The following WDR17 variants were observed in gnomAD, a reference collection of about 807,000 sequenced individuals.
WDR17 encodes WD repeat domain 17, also known as WD repeat-containing protein 17.
Under a neutral mutation model 161.7 loss-of-function variants are expected in WDR17, and 143 were observed. The ratio of observed to expected loss-of-function variants is 0.88; its 90% CI spans 0.77 to 1.02. The LOEUF (loss-of-function observed/expected upper bound fraction) is 1.02, where lower values mean the gene tolerates loss of function less well. Ranked by LOEUF, WDR17 falls within the 50% of genes least tolerant of loss-of-function variation. The pLI is 0.00. For missense variants in WDR17, 1,469 were observed against 1,520.9 expected, an observed-to-expected ratio of 0.97 and a Z score of 0.57; for synonymous variants, 517 against 515.6, an observed-to-expected ratio of 1.00 and a Z score of -0.04.
At chr4:176,142,485 G>A (rs1579171619) in intron 11 of WDR17, among the ~76,000 whole-genome samples, 1 of 152,120 alleles carries the variant, frequency 6.6e-6, no homozygotes, top group African/African-American at 2.4e-5. Flanking sequence ...CTGGCACTGG[G>A]TAATTTTCCA....
At chr4:176,083,044 A>C (rs908026415) in intron 1 of WDR17, among the ~76,000 whole-genome samples, 2 of 152,166 alleles carry the variant, frequency 1.3e-5, no homozygotes, top group African/African-American at 4.8e-5. Context: ...TTCTTAGAAA[A>C]CCAAATTATA....
At chr4:176,138,992 C>T (rs1230380486) in intron 9 of WDR17, among the ~76,000 whole-genome samples, 3 of 151,736 alleles carry the variant, frequency 2.0e-5, no homozygotes, top group Non-Finnish European at 3.0e-5. Flanking sequence ...CAGAAGGCCT[C>T]CACCCTATAA....
Position 176,182,405 on chromosome 4 carries a change from G to GTATA in WDR17, c.*2848_*2851dup, listed in dbSNP as rs34628181. On this transcript the variant is annotated 3_prime_UTR_variant, in exon 29 of 29. Transcript: ENST00000508596. The surrounding 1 kb of genome is among the most constrained non-coding windows in gnomAD (Gnocchi z 4.2). ...AATATATATATGTGCGTGTGTGTGT[G>GTATA]TATATATATATATATATATATATAT... The GTATA allele has an allele frequency of 6.0e-3, 888 of 148,724 alleles. 7 individuals carry two copies. Among genetic ancestry groups the GTATA allele is most frequent in the African/African-American group, 0.019 (785 of 40,564 alleles). 9.2% of individuals were successfully genotyped at this position (148,724 alleles called of 1,614,324 possible). A position where few individuals can be genotyped will look rare whatever the true frequency, so the allele number is the denominator to read the frequency against.
intron 11 of WDR17, among the ~76,000 whole-genome samples, chr4:176,143,750 T>C (rs1434737509): frequency 8.6e-5 from 13 of 152,042 alleles, no homozygotes; most frequent in Admixed American, 5.2e-4. Flanking sequence ...ACCAATAACA[T>C]TTGGGTTTTT....
At chr4:176,175,298 T>C (rs1751276390) in intron 26 of WDR17, among the ~76,000 whole-genome samples, 1 of 152,148 alleles carries the variant, frequency 6.6e-6, no homozygotes, top group Non-Finnish European at 1.5e-5. Context: ...GTAAAGGGAG[T>C]TTGTAAGTAG....
intron 1 of WDR17, among the ~76,000 whole-genome samples, chr4:176,069,692 C>T (rs1291764368): frequency 6.6e-6 from 1 of 152,066 alleles, no homozygotes; most frequent in African/African-American, 2.4e-5. Context: ...CCCAGGCAGA[C>T]TCATTTACAA....
intron 1 of WDR17, among the ~76,000 whole-genome samples, chr4:176,093,850 A>G (rs1736444952): frequency 6.6e-6 from 1 of 152,316 alleles, no homozygotes; most frequent in East Asian, 1.9e-4. Context: ...GTACAACAAC[A>G]AAAGTATTTT....
At chr4:176,090,714 G>C (rs1736015212) in intron 1 of WDR17, among the ~76,000 whole-genome samples, 1 of 152,148 alleles carries the variant, frequency 6.6e-6, no homozygotes, top group South Asian at 2.1e-4. Context: ...CAGAAATATA[G>C]AGTATGGAGT....
chr4:176,160,024 G>A lies in WDR17; in HGVS notation c.2556G>A (p.Lys852=), dbSNP rs1286263696. ...CTGACCAATTAATCCAGGAAGATAA[G>A]GATGATGTCATTCCATACTGCATAG... is the stretch of plus-strand genomic sequence containing the variant. ...RRADQLIQED[K]DDVIPYCIAI... is the part of the protein sequence containing the mutation. The change falls in exon 19 of 29, where the codon AAG becomes AAA. Residue 852 remains lysine, a synonymous_variant. Coordinates refer to ENST00000508596, the MANE Select transcript of WDR17 (RefSeq NM_181265.4). The A allele has an allele frequency of 1.2e-6, 2 of 1,611,246 alleles. No homozygotes were observed. Among genetic ancestry groups the A allele is most frequent in the Middle Eastern group, 1.7e-4 (1 of 6,042 alleles).
chr4:176,078,196 G>T (rs1228740006), intron 1 of WDR17, among the ~76,000 whole-genome samples: 2 of 151,848 alleles, frequency 1.3e-5, no homozygotes, highest in Non-Finnish European at 2.9e-5. Context: ...ATAGTGGATT[G>T]TTTTTAGTTT....
chr4:176,104,684 T>C (rs1167147768), intron 1 of WDR17, among the ~76,000 whole-genome samples: 2 of 152,050 alleles, frequency 1.3e-5, no homozygotes, highest in African/African-American at 2.4e-5. Flanking sequence ...CTTGTAACTT[T>C]AGCATGTTAA....
Position 176,108,586 on chromosome 4 carries a change from T to A in WDR17, c.-6-2989T>A, listed in dbSNP as rs527456367. The stretch of plus-strand genomic sequence containing the variant: ...AACTGTGGACTTTGAGTGATAATGA[T>A]GTGTCACATAGGCTCATCAGTTTTA... On this transcript the variant is annotated intron_variant, in intron 1 of 28. Transcript: ENST00000508596. 2.1e-4 allele frequency among the ~76,000 whole-genome samples: 32 copies of A among 152,190 alleles called. No individual in the cohort carries two copies. The South Asian group carries it at 6.6e-3, about 32-fold the overall frequency.
intron 1 of WDR17, among the ~76,000 whole-genome samples, chr4:176,093,063 A>G (rs574469658): frequency 1.3e-5 from 2 of 152,238 alleles, no homozygotes; most frequent in African/African-American, 4.8e-5. Flanking sequence ...GAAAGAAAAG[A>G]AAAGAAATCA....
chr4:176,106,407 G>A (rs1281168167), intron 1 of WDR17, among the ~76,000 whole-genome samples: 1 of 151,912 alleles, frequency 6.6e-6, no homozygotes, highest in East Asian at 1.9e-4. Flanking sequence ...TATGGTGCTG[G>A]GAAAACGAAA....
At chr4:176,069,525 G>A (rs1732951385) in intron 1 of WDR17, among the ~76,000 whole-genome samples, 1 of 152,156 alleles carries the variant, frequency 6.6e-6, no homozygotes, top group South Asian at 2.1e-4. Context: ...TGTCAGTGAA[G>A]ATGTTATAAC....
intron 7 of WDR17, among the ~76,000 whole-genome samples, chr4:176,134,255 T>C (rs1285023400): frequency 6.6e-6 from 1 of 151,752 alleles, no homozygotes; most frequent in African/African-American, 2.4e-5. Context: ...CTTATTCTAT[T>C]TGTTGAGGAC....
At chr4:176,168,594 G>T (rs1026266180) in intron 22 of WDR17, 78 bp from the exon 23 acceptor site, 67 of 1,536,904 alleles carry the variant, frequency 4.4e-5, no homozygotes, top group East Asian at 9.0e-5. Flanking sequence ...TATATGAATT[G>T]CCCTTCTTTG....
At chr4:176,085,988 C>G (rs1028503133) in intron 1 of WDR17, among the ~76,000 whole-genome samples, 2 of 151,994 alleles carry the variant, frequency 1.3e-5, no homozygotes, top group Non-Finnish European at 2.9e-5. Flanking sequence ...CCACAAATTT[C>G]TATGTTTAGA....
At chr4:176,089,220 A>ATGT (rs1443978786) in intron 1 of WDR17, among the ~76,000 whole-genome samples, 1 of 149,542 alleles carries the variant, frequency 6.7e-6, no homozygotes, top group Non-Finnish European at 1.5e-5. Flanking sequence ...CATAAAATAA[A>ATGT]CGTACTCCCT....
Sources: allele counts gnomAD v4.1 joint callset (sites outside exome capture counted in the v4.1 genomes callset), GRCh38; gene constraint gnomAD v4.1.1; non-coding constraint Gnocchi (gnomAD v3.1); transcripts MANE v1.5; gene names NCBI Gene and HGNC (gene_info 2026-07-23, HGNC 2026-07-21).